Variants in ENOX1 observed in about 807,000 individuals in gnomAD.
The protein encoded by ENOX1 is candidate growth-related and time keeping constitutive hydroquinone (NADH) oxidase.
A neutral mutation model predicts 82.5 loss-of-function variants in ENOX1; 42 were observed. That is an observed-to-expected ratio of 0.51 (90% CI 0.40 to 0.66). The LOEUF is 0.66. ENOX1 is among the 30% of genes least tolerant of loss of function. The pLI is 0.00. For missense variants in ENOX1, 608 were observed against 811.6 expected (o/e 0.75, Z 3.05); for synonymous variants, 271 against 282.2 (o/e 0.96, Z 0.40).
chr13:43,629,238 C>T (rs1270798979), intron 2 of ENOX1, among the ~76,000 whole-genome samples: 1 of 152,174 alleles, frequency 6.6e-6, no homozygotes, highest in Non-Finnish European at 1.5e-5. Context: ...ACAATTATTT[C>T]TGTTGTTTGG....
At chr13:43,394,557 C>T (rs1231240025) in intron 5 of ENOX1, 1 of 152,242 alleles carries the variant, frequency 6.6e-6, no homozygotes, top group Non-Finnish European at 1.5e-5. Context: ...GGCCCTGGGC[C>T]TCAAACAAGG....
intron 2 of ENOX1, among the ~76,000 whole-genome samples, chr13:43,589,216 G>GAAAAAAAAAAAAAA (rs58912569): frequency 1.3e-5 from 1 of 79,768 alleles, no homozygotes; most frequent in Non-Finnish European, 2.2e-5. Flanking sequence ...GACATTAATG[G>GAAAAAAAAAAAAAA]AAAAAAAAAA....
intron 2 of ENOX1, among the ~76,000 whole-genome samples, chr13:43,593,882 G>T (rs2081352545): frequency 6.6e-6 from 1 of 152,186 alleles, no homozygotes; most frequent in African/African-American, 2.4e-5. Context: ...AAAACTGGGA[G>T]TTCATCCAGG....
At chr13:43,734,494 A>G (rs1303715776) in intron 1 of ENOX1, among the ~76,000 whole-genome samples, 2 of 152,254 alleles carry the variant, frequency 1.3e-5, no homozygotes, top group Non-Finnish European at 2.9e-5. Context: ...ACCTGAAAGT[A>G]TCTTTGAAAA....
chr13:43,617,997 A>AT (rs36031315), intron 2 of ENOX1, among the ~76,000 whole-genome samples: 1 of 152,082 alleles, frequency 6.6e-6, no homozygotes, highest in East Asian at 1.9e-4. Flanking sequence ...GATGTTAGGC[A>AT]TTTTTTCATG....
At chr13:43,520,411 A>G (rs531653957) in intron 2 of ENOX1, among the ~76,000 whole-genome samples, 2 of 152,312 alleles carry the variant, frequency 1.3e-5, no homozygotes, top group Non-Finnish European at 2.9e-5. Context: ...CCCTGAAGTA[A>G]AAGGCATGTT....
chr13:43,716,220 C>T (rs753805979), intron 1 of ENOX1, among the ~76,000 whole-genome samples: 2 of 152,070 alleles, frequency 1.3e-5, no homozygotes, highest in Admixed American at 6.5e-5. Flanking sequence ...ATGATGGTGA[C>T]GTACAGATGG....
intron 2 of ENOX1, among the ~76,000 whole-genome samples, chr13:43,614,420 T>A (rs942980407): frequency 1.3e-5 from 2 of 152,162 alleles, no homozygotes; most frequent in Non-Finnish European, 2.9e-5. Flanking sequence ...GAGGCTCTTT[T>A]TCTAAGCTCT....
At position 43,695,002 on chromosome 13, in the gene ENOX1, T is replaced by C. The variant is rs528181195; in HGVS notation, c.-284-27458A>G. ...GCAACCATTCTGTTTCTTGCGACGA[T>C]AGAAAACACAAGTCACAGTGAGAAG... On this transcript the variant is annotated intron_variant, in intron 1 of 16. Transcript: ENST00000690772. Among the ~76,000 whole-genome samples the C allele has an allele frequency of 1.4e-3, 213 of 152,262 alleles. 1 individual carries two copies. The highest frequency in any genetic ancestry group is 4.7e-3 in the African/African-American group (194 of 41,550).
At position 43,214,092 on chromosome 13, in the gene ENOX1, CA is replaced by C; in HGVS notation, c.1829del (p.Leu610Ter). 2 of 1,613,044 alleles carry C rather than the reference CA, an allele frequency of 1.2e-6. No individual in the cohort carries two copies. Among genetic ancestry groups the C allele is most frequent in the Non-Finnish European group, 1.7e-6 (2 of 1,179,432 alleles). ...GTTTGAACATGCGTGGCAGCCTCAT[CA>C]AAAGCATTTCTATTTCATTTGCAGA... ...KISANEIEML[L>X]MRLPRMFKQE... On this transcript the variant is annotated frameshift_variant, in exon 17 of 17. Transcript: ENST00000690772. LOFTEE classifies it high-confidence loss of function.
intron 3 of ENOX1, among the ~76,000 whole-genome samples, chr13:43,419,164 A>G (rs1188384245): frequency 2.6e-5 from 4 of 152,194 alleles, no homozygotes; most frequent in Non-Finnish European, 2.9e-5. Context: ...AATTGTCCAC[A>G]AAACACAGAT....
At chr13:43,567,859 C>T (rs912793829) in intron 2 of ENOX1, among the ~76,000 whole-genome samples, 1 of 152,208 alleles carries the variant, frequency 6.6e-6, no homozygotes, top group Admixed American at 6.5e-5. Flanking sequence ...TGTTGAATTG[C>T]ATACATGCCT....
Position 43,725,225 on chromosome 13 carries a change from G to T in ENOX1, c.-284-57681C>A, listed in dbSNP as rs559982508. Reference sequence around the variant, plus strand: ...TTTTACTTTTAAATCCTGCTTTTAAGAGGAAACCAAATAGGGTCTCCCTTC... The same window carrying T: ...TTTTACTTTTAAATCCTGCTTTTAATAGGAAACCAAATAGGGTCTCCCTTC... On this transcript the variant is annotated intron_variant, in intron 1 of 16. Coordinates refer to ENST00000690772, the MANE Select transcript of ENOX1 (RefSeq NM_001347969.2). Among the ~76,000 whole-genome samples the T allele has an allele frequency of 8.5e-5, 13 of 152,240 alleles. No individual in the cohort carries two copies. In the East Asian group the frequency reaches 2.3e-3, roughly 27 times the overall value.
intron 1 of ENOX1, among the ~76,000 whole-genome samples, chr13:43,781,018 G>A (rs1566920091): frequency 6.6e-6 from 1 of 152,224 alleles, no homozygotes; most frequent in Non-Finnish European, 1.5e-5. Context: ...CCTTTGTTAT[G>A]CTGCTGTGGG....
chr13:43,231,832 A>C (rs1344094857), intron 15 of ENOX1, among the ~76,000 whole-genome samples: 1 of 152,258 alleles, frequency 6.6e-6, no homozygotes, highest in Non-Finnish European at 1.5e-5. Context: ...TGCATGGGAT[A>C]GCATAAATCA....
intron 14 of ENOX1, among the ~76,000 whole-genome samples, chr13:43,252,159 CAGAG>C (rs1333149354): frequency 6.6e-6 from 1 of 152,168 alleles, no homozygotes; most frequent in Admixed American, 6.5e-5. Flanking sequence ...ATTGTCCAGA[CAGAG>C]AAAGCCACTC....
rs75039248 is a variant in ENOX1, at chr13:43,512,804, T to C, written c.-218-28652A>G. Reference sequence around the variant, plus strand: ...GAAGTACAGATATCTTGGCGCAAATTGCTATAAGATCCTGCCTCATGAGGT... The same window carrying C: ...GAAGTACAGATATCTTGGCGCAAATCGCTATAAGATCCTGCCTCATGAGGT... On this transcript the variant is annotated intron_variant, in intron 2 of 16. Coordinates refer to ENST00000690772, the MANE Select transcript of ENOX1 (RefSeq NM_001347969.2). Among the ~76,000 whole-genome samples, 946 of 152,202 alleles carry C rather than the reference T, an allele frequency of 6.2e-3. 9 individuals are homozygous for C. The highest frequency in any genetic ancestry group is 0.022 in the African/African-American group (920 of 41,534).
intron 2 of ENOX1, among the ~76,000 whole-genome samples, chr13:43,522,518 T>C (rs1245351423): frequency 6.6e-6 from 1 of 152,096 alleles, no homozygotes; most frequent in Non-Finnish European, 1.5e-5. Flanking sequence ...CATAACTAAT[T>C]AATGAAGGAG....
At chr13:43,394,638 C>G (rs1389211138) in intron 5 of ENOX1, 1 of 152,376 alleles carries the variant, frequency 6.6e-6, no homozygotes, top group Non-Finnish European at 1.5e-5. Flanking sequence ...CCAAGCACAC[C>G]AAGTTCATGG....
Sources: gnomAD v4.1 joint callset for allele counts (sites outside exome capture counted in the v4.1 genomes callset) on GRCh38, gnomAD v4.1.1 for gene constraint, MANE v1.5 for transcripts, NCBI Gene and HGNC (gene_info 2026-07-23, HGNC 2026-07-21) for gene names.